The following GARIN1B variants were observed in gnomAD, a reference collection of about 807,000 sequenced individuals.
The protein encoded by GARIN1B is Golgi-associated RAB2 interactor protein 1B.
chr7:128,724,956 C>T, the GARIN1B span: 2 of 1,062,112 alleles, frequency 1.9e-6, no homozygotes, highest in East Asian at 1.2e-4. Flanking sequence ...GGGGCTCAGT[C>T]TTCAGATCTG....
chr7:128,713,484 C>T, the GARIN1B span, among the ~76,000 whole-genome samples: 12 of 152,260 alleles, frequency 7.9e-5, no homozygotes, highest in Admixed American at 4.6e-4. Flanking sequence ...CTCATTCTCT[C>T]GTGCAGGCTT....
the GARIN1B span, chr7:128,715,155 G>A: frequency 1.5e-6 from 1 of 679,526 alleles, no homozygotes; most frequent in Non-Finnish European, 1.8e-6. Flanking sequence ...CTTGCTTTCT[G>A]CCTGGCTCAC....
the GARIN1B span, among the ~76,000 whole-genome samples, chr7:128,717,597 C>T: frequency 1.3e-5 from 2 of 151,718 alleles, no homozygotes; most frequent in African/African-American, 2.4e-5. Context: ...TAGGTGCCTG[C>T]CACCACACCT....
chr7:128,715,677 G>A, the GARIN1B span: 2 of 1,613,898 alleles, frequency 1.2e-6, no homozygotes, highest in Admixed American at 3.3e-5. Context: ...GTGTTTGAAA[G>A]CAACTTCATC....
chr7:128,712,981 C>T, the GARIN1B span, among the ~76,000 whole-genome samples: 1 of 152,114 alleles, frequency 6.6e-6, no homozygotes. Context: ...GAGACCTGTG[C>T]CCAACTAATG....
the GARIN1B span, chr7:128,731,102 A>C: frequency 1.5e-5 from 24 of 1,611,980 alleles, 1 homozygote; most frequent in Admixed American, 3.7e-4. Context: ...ACTCACAGGA[A>C]ATTCTATTTG....
At chr7:128,713,199 C>T in the GARIN1B span, among the ~76,000 whole-genome samples, 10 of 151,826 alleles carry the variant, frequency 6.6e-5, 1 homozygote, top group South Asian at 4.2e-4. Context: ...CCCAGTTACT[C>T]GGGAGGCTGA....
the GARIN1B span, chr7:128,716,798 G>T: frequency 1.3e-6 from 2 of 1,592,446 alleles, no homozygotes; most frequent in Non-Finnish European, 1.7e-6. Context: ...GTTGTGCCTG[G>T]GGGCTGTGTT....
the GARIN1B span, among the ~76,000 whole-genome samples, chr7:128,712,725 A>C: frequency 6.6e-6 from 1 of 152,248 alleles, no homozygotes; most frequent in African/African-American, 2.4e-5. Context: ...TGGCAGCATC[A>C]ATATTACTGA....
the GARIN1B span, among the ~76,000 whole-genome samples, chr7:128,712,959 T>C: frequency 6.9e-3 from 1,054 of 152,312 alleles, 44 homozygotes; most frequent in East Asian, 0.13. Context: ...GGAAATGTAA[T>C]CTTTCTTACA....
the GARIN1B span, among the ~76,000 whole-genome samples, chr7:128,709,757 T>G: frequency 0.18 from 22,725 of 127,234 alleles, 2,280 homozygotes; most frequent in East Asian, 0.48. Flanking sequence ...TCTCTTTTTT[T>G]TTTTTTTTTT....
At chr7:128,717,268 A>G in the GARIN1B span, among the ~76,000 whole-genome samples, 1 of 152,078 alleles carries the variant, frequency 6.6e-6, no homozygotes, top group Non-Finnish European at 1.5e-5. Context: ...ATTCATAGGA[A>G]ATCTCTCAGC....
the GARIN1B span, among the ~76,000 whole-genome samples, chr7:128,709,855 G>A: frequency 2.7e-5 from 4 of 150,202 alleles, no homozygotes; most frequent in African/African-American, 4.9e-5. Flanking sequence ...GGGTTCAAGC[G>A]ATTCTCCTGC....
chr7:128,716,985 T>G, the GARIN1B span: 1 of 1,610,136 alleles, frequency 6.2e-7, no homozygotes, highest in South Asian at 1.1e-5. Flanking sequence ...GCCCCCAACA[T>G]CTTCCTGAAG....
At chr7:128,721,181 T>C in the GARIN1B span, among the ~76,000 whole-genome samples, 1 of 152,118 alleles carries the variant, frequency 6.6e-6, no homozygotes, top group Admixed American at 6.6e-5. Flanking sequence ...AGCAATGGGG[T>C]CTTGCTCTGT....
chr7:128,709,719 C>A, the GARIN1B span, among the ~76,000 whole-genome samples: 2 of 143,274 alleles, frequency 1.4e-5, no homozygotes, highest in African/African-American at 5.2e-5. Flanking sequence ...AGAAAACATG[C>A]TAGACAAATT....
At chr7:128,712,059 C>CA in the GARIN1B span, among the ~76,000 whole-genome samples, 70 of 151,816 alleles carry the variant, frequency 4.6e-4, 1 homozygote, top group East Asian at 9.3e-3. Context: ...AAAACAAAAA[C>CA]AAAAAAAACC....
At chr7:128,731,151 C>G in the GARIN1B span, 1 of 1,584,408 alleles carries the variant, frequency 6.3e-7, no homozygotes, top group South Asian at 1.1e-5. Context: ...ATGCAAGCCT[C>G]GTCAACACCA....
At chr7:128,727,608 AT>A in the GARIN1B span, among the ~76,000 whole-genome samples, 8 of 152,140 alleles carry the variant, frequency 5.3e-5, 1 homozygote, top group Admixed American at 1.3e-4. Flanking sequence ...GCCCTGCACA[AT>A]CTTCCCCCAT....
Sources: gnomAD v4.1 joint callset for allele counts (sites outside exome capture counted in the v4.1 genomes callset) on GRCh38, gnomAD v4.1.1 for gene constraint, MANE v1.5 for transcripts, NCBI Gene and HGNC (gene_info 2026-07-23, HGNC 2026-07-21) for gene names.